The following RIN3 variants were observed in gnomAD, a reference collection of about 807,000 sequenced individuals.
RIN3 encodes the protein RAB5 interacting protein 3.
In RIN3, 54 loss-of-function variants were observed where a neutral mutation model predicts 76.3. The ratio of observed to expected loss-of-function variants is 0.71; its 90% CI spans 0.57 to 0.89. The LOEUF is 0.89. Ranked by LOEUF, RIN3 falls within the 40% of genes least tolerant of loss-of-function variation. RIN3 has a pLI of 0.00. For missense variants in RIN3, 1,256 were observed against 1,322.1 expected (o/e 0.95, Z 0.78); for synonymous variants, 576 against 564.0 (o/e 1.02, Z -0.30).
At chr14:92,573,949 G>A (rs1025473331) in intron 2 of RIN3, among the ~76,000 whole-genome samples, 6 of 152,200 alleles carry the variant, frequency 3.9e-5, no homozygotes, top group South Asian at 2.1e-4. Context: ...TTGTCTCTGA[G>A]CCTCTGAGCG....
At chr14:92,662,217 G>C (rs116387325) in intron 7 of RIN3, among the ~76,000 whole-genome samples, 7 of 152,270 alleles carry the variant, frequency 4.6e-5, no homozygotes, top group African/African-American at 1.7e-4. Flanking sequence ...GAGAGAGGCA[G>C]TCCTGGCTGT....
chr14:92,563,328 T>C (rs1201923294), intron 2 of RIN3, among the ~76,000 whole-genome samples: 1 of 151,936 alleles, frequency 6.6e-6, no homozygotes, highest in Non-Finnish European at 1.5e-5. Context: ...ACCACTGCAC[T>C]CCAGCCTGGG....
chr14:92,593,071 C>T (rs1885041420), intron 3 of RIN3, among the ~76,000 whole-genome samples: 1 of 151,772 alleles, frequency 6.6e-6, no homozygotes, highest in Admixed American at 6.6e-5. Flanking sequence ...GTCCTCACAA[C>T]GTGTGAAGCA....
rs61489653 is a variant in RIN3, at chr14:92,665,068, G to GT, written c.2335+5600dup. Among the ~76,000 whole-genome samples the GT allele has an allele frequency of 6.4e-3, 980 of 152,290 alleles. 12 individuals are homozygous for GT. The highest frequency in any genetic ancestry group is 0.022 in the African/African-American group (935 of 41,560). ...TGCGTCATTAGACAATTTCATTGTT[G>GT]TGCAAACATTTTAGAGTGTACTCAC... On this transcript the variant is annotated intron_variant, in intron 7 of 9. Coordinates refer to ENST00000216487, the MANE Select transcript of RIN3 (RefSeq NM_024832.5).
rs1157737503 is a variant in RIN3 at position 92,652,177 on chromosome 14, G to A, written c.1128G>A (p.Leu376=). The A allele has an allele frequency of 1.2e-6, 2 of 1,604,000 alleles. No homozygotes were observed. The highest frequency in any genetic ancestry group is 1.3e-5 in the African/African-American group (1 of 74,716). Residue 376 remains leucine, a synonymous_variant, in exon 6 of 10, where the codon CTG becomes CTA. Transcript: ENST00000216487. This position sits in a 1 kb window ranked among gnomAD's most constrained non-coding sequence, Gnocchi z 6.4. ...SPLQQVPAPP[L]PAKKNLPTAP... The stretch of plus-strand genomic sequence containing the variant: ...TGCAGCAGGTCCCCGCCCCGCCACT[G>A]CCTGCGAAGAAGAACCTTCCCACTG...
intron 7 of RIN3, among the ~76,000 whole-genome samples, chr14:92,660,048 A>T (rs894506005): frequency 6.6e-6 from 1 of 152,212 alleles, no homozygotes; most frequent in Non-Finnish European, 1.5e-5. Context: ...CTCCAGTGTG[A>T]CTTCATCTCA....
Position 92,643,052 on chromosome 14 carries a change from C to T in RIN3, c.532+1723C>T, listed in dbSNP as rs1012631473. The stretch of plus-strand genomic sequence containing the variant: ...CACACCTGCCATCGTCTCATGGTGC[C>T]TCTTAACTCTTTTTTTTTTGAGATG... On this transcript the variant is annotated intron_variant, in intron 5 of 9. Transcript: ENST00000216487. This position sits in a 1 kb window ranked among gnomAD's most constrained non-coding sequence, Gnocchi z 4.8. 1.3e-5 allele frequency among the ~76,000 whole-genome samples: 2 copies of T among 151,902 alleles called. No homozygotes were observed. The highest frequency in any genetic ancestry group is 2.9e-5 in the Non-Finnish European group (2 of 67,980).
chr14:92,544,277 G>T (rs1414670922), intron 1 of RIN3, among the ~76,000 whole-genome samples: 5 of 152,086 alleles, frequency 3.3e-5, no homozygotes, highest in African/African-American at 1.2e-4. Context: ...CCAAATGCCT[G>T]CAGGCCACAC....
chr14:92,628,634 G>T (rs1279983253), intron 4 of RIN3, among the ~76,000 whole-genome samples: 1 of 152,166 alleles, frequency 6.6e-6, no homozygotes, highest in Non-Finnish European at 1.5e-5. Flanking sequence ...GAACTTTAAT[G>T]ATAGGAACTG....
Position 92,652,531 on chromosome 14 carries a change from G to T in RIN3, c.1482G>T (p.Thr494=). 5 of 1,613,614 alleles carry T rather than the reference G, an allele frequency of 3.1e-6. No individual in the cohort carries two copies. Among genetic ancestry groups the T allele is most frequent in the Non-Finnish European group, 4.2e-6 (5 of 1,179,942 alleles). Residue 494 remains threonine, a synonymous_variant, in exon 6 of 10, where the codon ACG becomes ACT. Coordinates refer to ENST00000216487, the MANE Select transcript of RIN3 (RefSeq NM_024832.5). This position sits in a 1 kb window ranked among gnomAD's most constrained non-coding sequence, Gnocchi z 6.4. ...AGGCGATGGCCTTGGAGACACCCAC[G>T]CCGGGTCCACCCAGAGAGGGCCAAA... The part of the protein sequence containing the change: ...CTQAMALETP[T]PGPPREGQSP...
At chr14:92,527,295 A>G (rs2139999823) in intron 1 of RIN3, among the ~76,000 whole-genome samples, 2 of 151,106 alleles carry the variant, frequency 1.3e-5, no homozygotes, top group African/African-American at 2.4e-5. Context: ...CTCATGATCC[A>G]CCCGTCTCAG....
In RIN3 at chr14:92,513,864, C is replaced by T. The variant is rs1306443589; in HGVS notation, c.-69C>T. 4.3e-6 allele frequency: 5 copies of T among 1,173,178 alleles called. No individual in the cohort carries two copies. Among genetic ancestry groups the T allele is most frequent in the Non-Finnish European group, 5.4e-6 (5 of 930,230 alleles). The allele number at this position is 1,173,178 out of a possible 1,614,324, so 72.7% of individuals were successfully genotyped here. A position where few individuals can be genotyped will look rare whatever the true frequency, so the allele number is the denominator to read the frequency against. On this transcript the variant is annotated 5_prime_UTR_variant, in exon 1 of 10. Coordinates refer to ENST00000216487, the MANE Select transcript of RIN3 (RefSeq NM_024832.5). ...CCAGAGCCAGGGACATGCGGGCGCC[C>T]GGGACTCCGCGTTCCGCGCGGCCCG...
intron 1 of RIN3, among the ~76,000 whole-genome samples, chr14:92,528,030 T>C (rs1018168000): frequency 9.1e-5 from 3 of 33,010 alleles, no homozygotes; most frequent in Non-Finnish European, 1.8e-4. Context: ...AAGAAGGATG[T>C]GGGGGCAGCT....
At chr14:92,663,488 C>T (rs985794233) in intron 7 of RIN3, among the ~76,000 whole-genome samples, 3 of 152,214 alleles carry the variant, frequency 2.0e-5, no homozygotes, top group Non-Finnish European at 2.9e-5. Flanking sequence ...CAGACCCAGT[C>T]GGGGAGACTC....
intron 2 of RIN3, among the ~76,000 whole-genome samples, chr14:92,566,579 T>A (rs1208995633): frequency 6.6e-6 from 1 of 152,154 alleles, no homozygotes; most frequent in Non-Finnish European, 1.5e-5. Flanking sequence ...AGAGCCAGAA[T>A]CAGGGTCTGT....
intron 4 of RIN3, among the ~76,000 whole-genome samples, chr14:92,628,092 G>A (rs1201471479): frequency 6.6e-6 from 1 of 152,190 alleles, no homozygotes; most frequent in African/African-American, 2.4e-5. Flanking sequence ...GCGTTTGACA[G>A]GGAGAACAGG....
chr14:92,549,436 C>A (rs142689127), intron 1 of RIN3, among the ~76,000 whole-genome samples: 52 of 152,304 alleles, frequency 3.4e-4, no homozygotes, highest in African/African-American at 1.2e-3. Context: ...TCCCCCTACC[C>A]CTAATAGGCA....
At chr14:92,517,764 C>A (rs551066339) in intron 1 of RIN3, among the ~76,000 whole-genome samples, 4 of 152,204 alleles carry the variant, frequency 2.6e-5, no homozygotes, top group African/African-American at 9.7e-5. Context: ...AAAATCACAA[C>A]TTTAATGACT....
intron 7 of RIN3, among the ~76,000 whole-genome samples, chr14:92,661,758 C>CACACACACACACACACAA (rs373869994): frequency 6.0e-5 from 8 of 133,240 alleles, no homozygotes; most frequent in South Asian, 2.4e-4. Context: ...CACACACACA[C>CACACACACACACACACAA]AAAAAATAGA....
Sources: gnomAD v4.1 joint callset for allele counts (sites outside exome capture counted in the v4.1 genomes callset) on GRCh38, gnomAD v4.1.1 for gene constraint, Gnocchi (gnomAD v3.1) non-coding constraint, MANE v1.5 for transcripts, NCBI Gene and HGNC (gene_info 2026-07-23, HGNC 2026-07-21) for gene names.